Variants in BIN1 observed in about 807,000 individuals in gnomAD.
BIN1 encodes the protein myc box-dependent-interacting protein 1.
In BIN1, 53 loss-of-function variants were observed where a neutral mutation model predicts 82.0. The observed-to-expected ratio is 0.65, with a 90% CI of 0.52 to 0.81. BIN1 has a LOEUF of 0.81. Ranked by LOEUF, BIN1 falls within the 40% of genes least tolerant of loss-of-function variation. The pLI is 0.00. For missense variants in BIN1, 642 were observed against 784.4 expected (o/e 0.82, Z 2.17); for synonymous variants, 302 against 328.0 (o/e 0.92, Z 0.86).
At position 127,107,048 on chromosome 2, in the gene BIN1, C is replaced by A. The variant is rs575072529; in HGVS notation, c.-105G>T. The A allele has an allele frequency of 1.7e-6, 2 of 1,148,666 alleles. No individual in the cohort carries two copies. Among genetic ancestry groups the A allele is most frequent in the East Asian group, 3.3e-5 (1 of 30,482 alleles). The allele number at this position is 1,148,666 out of a possible 1,614,324, so 71.2% of individuals were successfully genotyped here. ...CCGGCCGCGCGTCCAGACCGGCTGC[C>A]GCTCCACGCCGCGCACCCGACAGCG... On this transcript the variant is annotated 5_prime_UTR_variant, in exon 1 of 19. Transcript: ENST00000316724. The surrounding 1 kb of genome is among the most constrained non-coding windows in gnomAD (Gnocchi z 5.9).
chr2:127,086,436 T>C (rs938059492), intron 1 of BIN1, among the ~76,000 whole-genome samples: 2 of 151,980 alleles, frequency 1.3e-5, no homozygotes, highest in African/African-American at 4.8e-5. Context: ...ATTTTCACGA[T>C]GAAATACAAA....
Position 127,059,939 on chromosome 2 carries a change from C to A in BIN1, c.858-784G>T, listed in dbSNP as rs79095123. Among the ~76,000 whole-genome samples the A allele has an allele frequency of 6.6e-6, 1 of 152,142 alleles. No individual in the cohort carries two copies. The highest frequency in any genetic ancestry group is 2.4e-5 in the African/African-American group (1 of 41,412). ...CAGTACGGTTGCCACTAGCCACAGG[C>A]GGCAATGCAAACTCAAAGCAATGAA... On this transcript the variant is annotated intron_variant, in intron 10 of 18. Transcript: ENST00000316724. The surrounding 1 kb of genome is among the most constrained non-coding windows in gnomAD (Gnocchi z 6.7).
chr2:127,084,757 A>G (rs1195280550), intron 1 of BIN1, among the ~76,000 whole-genome samples: 1 of 152,202 alleles, frequency 6.6e-6, no homozygotes. Flanking sequence ...GTCTGCTTCA[A>G]GAAGTGAGAA....
At chr2:127,085,112 C>A (rs1677958597) in intron 1 of BIN1, among the ~76,000 whole-genome samples, 1 of 151,940 alleles carries the variant, frequency 6.6e-6, no homozygotes, top group South Asian at 2.1e-4. Flanking sequence ...CAGCCAAGGA[C>A]AGAGGGGCTA....
chr2:127,081,707 G>T, intron 1 of BIN1: 1 of 1,062,592 alleles, frequency 9.4e-7, no homozygotes, highest in Non-Finnish European at 1.2e-6. Flanking sequence ...TCCCTGCAGT[G>T]GCAGCAGAGT....
rs1049582102 is a variant in BIN1, at chr2:127,101,849, G to A, written c.84+5011C>T. ...CACTCACTGCCCCGGGTCTGTGAAC[G>A]TCATAAGCCTGATCAACCCCAGGCT... On this transcript the variant is annotated intron_variant, in intron 1 of 18. Coordinates refer to ENST00000316724, the MANE Select transcript of BIN1 (RefSeq NM_139343.3). Among the ~76,000 whole-genome samples, 22 of 152,110 alleles carry A rather than the reference G, an allele frequency of 1.4e-4. No individual in the cohort carries two copies. The South Asian group carries it at 3.7e-3, about 26-fold the overall frequency.
chr2:127,048,038 T>G lies in BIN1; in HGVS notation c.*488A>C. ...CAAATACACACACGTTTTCTGAGAG[T>G]TTTTATCATTTTTTTTTTGTTTCAT... On this transcript the variant is annotated 3_prime_UTR_variant, in exon 19 of 19. Coordinates refer to ENST00000316724, the MANE Select transcript of BIN1 (RefSeq NM_139343.3). 5.3e-6 allele frequency: 1 copy of G among 189,432 alleles called. No homozygotes were observed. The highest frequency in any genetic ancestry group is 1.1e-5 in the Non-Finnish European group (1 of 89,980). 11.7% of individuals were successfully genotyped at this position (189,432 alleles called of 1,614,324 possible).
At chr2:127,069,098 A>G in intron 5 of BIN1, 67 bp from the exon 6 acceptor site, 1 of 1,475,462 alleles carries the variant, frequency 6.8e-7, no homozygotes, top group Non-Finnish European at 9.4e-7. Context: ...GGTCCAGTGG[A>G]TCCTGGAGGG....
At chr2:127,086,096 T>A (rs10167997) in intron 1 of BIN1, among the ~76,000 whole-genome samples, 1 of 152,060 alleles carries the variant, frequency 6.6e-6, no homozygotes, top group African/African-American at 2.4e-5. Flanking sequence ...TTGAACCCCC[T>A]CCCGTTGGGT....
At position 127,082,057 on chromosome 2, in the gene BIN1, G is replaced by A. The variant is rs1398313390; in HGVS notation, c.85-5351C>T. On this transcript the variant is annotated intron_variant, in intron 1 of 18. Transcript: ENST00000316724. The surrounding 1 kb of genome is among the most constrained non-coding windows in gnomAD (Gnocchi z 6.1). ...AGGCCACTGTCAGACACCCGGCCAG[G>A]CTTTCTCTGGGCCCAGTCCCGAGGG... 6.6e-6 allele frequency among the ~76,000 whole-genome samples: 1 copy of A among 152,146 alleles called. No homozygotes were observed. The highest frequency in any genetic ancestry group is 1.5e-5 in the Non-Finnish European group (1 of 68,020).
At chr2:127,064,520 G>A (rs1159663145) in intron 7 of BIN1, among the ~76,000 whole-genome samples, 2 of 152,172 alleles carry the variant, frequency 1.3e-5, no homozygotes, top group African/African-American at 4.8e-5. Context: ...GCCAGCTCCT[G>A]GCAGCCTCAG....
At position 127,062,214 on chromosome 2, in the gene BIN1, G is replaced by C; in HGVS notation, c.775-17C>G. 1 of 1,592,038 alleles carries C rather than the reference G, an allele frequency of 6.3e-7. No homozygotes were observed. Among genetic ancestry groups the C allele is most frequent in the Non-Finnish European group, 8.6e-7 (1 of 1,168,610 alleles). On this transcript the variant is annotated splice_polypyrimidine_tract_variant and intron_variant, in intron 9 of 18. Transcript: ENST00000316724. Reference sequence around the variant, plus strand: ...CTGGTTGAGCTGCAGGAGAGACAGTGAGGAGGTGGGGGGCCTCCAAGGCCA... The same window carrying C: ...CTGGTTGAGCTGCAGGAGAGACAGTCAGGAGGTGGGGGGCCTCCAAGGCCA...
chr2:127,049,223 A>G (rs1682563082), intron 18 of BIN1, among the ~76,000 whole-genome samples: 1 of 151,522 alleles, frequency 6.6e-6, no homozygotes, highest in Admixed American at 6.6e-5. Flanking sequence ...TGTCATTGTC[A>G]GCCTGGTCAC....
At position 127,099,734 on chromosome 2, in the gene BIN1, G is replaced by A. The variant is rs528519377; in HGVS notation, c.84+7126C>T. 1.8e-3 allele frequency among the ~76,000 whole-genome samples: 265 copies of A among 150,840 alleles called. 1 individual carries two copies. The highest frequency in any genetic ancestry group is 6.0e-3 in the African/African-American group (245 of 40,986). On this transcript the variant is annotated intron_variant, in intron 1 of 18. Coordinates refer to ENST00000316724, the MANE Select transcript of BIN1 (RefSeq NM_139343.3). ...TCACCATGTTGGCCAGGATGGTCTC[G>A]ATCTCTTGACCTCGTGATCCGCCCG...
At chr2:127,095,309 A>G (rs1198341866) in intron 1 of BIN1, among the ~76,000 whole-genome samples, 4 of 152,202 alleles carry the variant, frequency 2.6e-5, no homozygotes, top group African/African-American at 9.7e-5. Context: ...CAGTCAGGCC[A>G]GCTTCATTCA....
At chr2:127,051,056 C>G in intron 16 of BIN1, 98 bp downstream of exon 16, 1 of 1,551,370 alleles carries the variant, frequency 6.4e-7, no homozygotes, top group Non-Finnish European at 8.9e-7. Context: ...CAACAGGAGC[C>G]AGGCCTGGAC....
At chr2:127,105,404 A>ACC (rs111244323) in intron 1 of BIN1, among the ~76,000 whole-genome samples, 16 of 147,858 alleles carry the variant, frequency 1.1e-4, no homozygotes, top group Middle Eastern at 7.1e-3. Flanking sequence ...CTGTGCTGCC[A>ACC]CCCCCCCACC....
Position 127,106,930 on chromosome 2 carries a change from C to T in BIN1, c.14G>A (p.Gly5Asp). 4 of 1,612,078 alleles carry T rather than the reference C, an allele frequency of 2.5e-6. No individual in the cohort carries two copies. Among genetic ancestry groups the T allele is most frequent in the Non-Finnish European group, 2.5e-6 (3 of 1,179,418 alleles). MAEM[G>D]SKGVTAGKIA... Reference sequence around the variant, plus strand: ...CTTTCCCGCCGTCACCCCTTTACTGCCCATCTCTGCCATCGCGGCGCAGGC... The same window carrying T: ...CTTTCCCGCCGTCACCCCTTTACTGTCCATCTCTGCCATCGCGGCGCAGGC... Residue 5 changes from glycine (G) to aspartate (D), a missense_variant, in exon 1 of 19, where the codon GGC (glycine) becomes GAC (aspartate). By Grantham distance (94) the Gly-to-Asp change is moderately conservative (BLOSUM62 -1). Coordinates refer to ENST00000316724, the MANE Select transcript of BIN1 (RefSeq NM_139343.3).
At chr2:127,054,323 A>G (rs1190074476) in intron 12 of BIN1, 4 of 417,374 alleles carry the variant, frequency 9.6e-6, no homozygotes, top group Non-Finnish European at 1.8e-5. Context: ...GCCACCCCGC[A>G]GGGCCAGCAC....
Sources: allele counts gnomAD v4.1 joint callset (sites outside exome capture counted in the v4.1 genomes callset), GRCh38; gene constraint gnomAD v4.1.1; non-coding constraint Gnocchi (gnomAD v3.1); transcripts MANE v1.5; gene names NCBI Gene and HGNC (gene_info 2026-07-23, HGNC 2026-07-21).